NRXN2: variants seen among roughly 807,000 people sequenced by gnomAD.
NRXN2 encodes neurexin-2-beta.
Under a neutral mutation model 128.8 loss-of-function variants are expected in NRXN2, and 29 were observed. That is an observed-to-expected ratio of 0.23 (90% CI 0.17 to 0.31). The LOEUF (loss-of-function observed/expected upper bound fraction) is 0.31. Ranked by LOEUF, NRXN2 falls within the 10% of genes least tolerant of loss-of-function variation. NRXN2 has a pLI of 1.00. For missense variants in NRXN2, 1,881 were observed against 2,452.6 expected, an observed-to-expected ratio of 0.77 and a Z score of 4.92; for synonymous variants, 1,098 against 1,075.2, an observed-to-expected ratio of 1.02 and a Z score of -0.41.
chr11:64,607,555 G>A lies in NRXN2; in HGVS notation c.4780C>T (p.Pro1594Ser). ...APTSFEPRRP[P>S]PLRPGVTSAP... Reference sequence around the variant, plus strand: ...GAGGTCACGCCGGGGCGCAGGGGAGGGGGCCTCCGCGGCTCAAAGGACGTG... The same window carrying A: ...GAGGTCACGCCGGGGCGCAGGGGAGAGGGCCTCCGCGGCTCAAAGGACGTG... Residue 1594 changes from proline (P) to serine (S), a missense_variant, in exon 23 of 23, where the codon CCT (proline) becomes TCT (serine). Coordinates refer to ENST00000265459, the MANE Select transcript of NRXN2 (RefSeq NM_015080.4). The A allele has an allele frequency of 6.5e-7, 1 of 1,544,724 alleles. No homozygotes were observed. Among genetic ancestry groups the A allele is most frequent in the Non-Finnish European group, 8.7e-7 (1 of 1,149,132 alleles).
At chr11:64,673,546 G>A (rs753679543) in intron 7 of NRXN2, among the ~76,000 whole-genome samples, 6 of 152,190 alleles carry the variant, frequency 3.9e-5, no homozygotes, top group Non-Finnish European at 7.3e-5. Context: ...GGTCTATGAG[G>A]CCACCAAAAG....
intron 12 of NRXN2, among the ~76,000 whole-genome samples, chr11:64,653,333 G>C (rs958824109): frequency 1.3e-5 from 2 of 151,994 alleles, no homozygotes; most frequent in African/African-American, 4.8e-5. Context: ...GCTCCTCCCT[G>C]CCAGTCCATA....
chr11:64,687,220 G>A (rs997777035), intron 5 of NRXN2, among the ~76,000 whole-genome samples: 2 of 152,248 alleles, frequency 1.3e-5, no homozygotes, highest in Non-Finnish European at 2.9e-5. Flanking sequence ...CACAATGCCA[G>A]GGTGCATCCA....
At chr11:64,661,595 C>G (rs539179684) in intron 9 of NRXN2, among the ~76,000 whole-genome samples, 2 of 152,166 alleles carry the variant, frequency 1.3e-5, no homozygotes, top group South Asian at 2.1e-4. Context: ...TTTTTCCCCC[C>G]ACAAACATTT....
At chr11:64,704,623 C>CAGAGAGAGAG (rs61394963) in intron 2 of NRXN2, among the ~76,000 whole-genome samples, 1,741 of 81,112 alleles carry the variant, frequency 0.021, 91 homozygotes, top group Middle Eastern at 0.035. Context: ...CACACACACA[C>CAGAGAGAGAG]AGAGAGAGAG....
chr11:64,717,587 C>T (rs766702742), intron 1 of NRXN2, among the ~76,000 whole-genome samples: 20 of 152,200 alleles, frequency 1.3e-4, no homozygotes, highest in Non-Finnish European at 2.4e-4. Context: ...TACCCTCTCC[C>T]GATAACTCTT....
At chr11:64,657,483 C>T (rs1319209530) in intron 11 of NRXN2, among the ~76,000 whole-genome samples, 2 of 151,698 alleles carry the variant, frequency 1.3e-5, no homozygotes, top group Admixed American at 6.6e-5. Context: ...TGGGTCTCTA[C>T]TATGGGTCTT....
In NRXN2 at chr11:64,667,115, G is replaced by C. The variant is rs940163348; in HGVS notation, c.1798+135C>G. On this transcript the variant is annotated intron_variant, in intron 9 of 22. Transcript: ENST00000265459. The surrounding 1 kb of genome is among the most constrained non-coding windows in gnomAD (Gnocchi z 5.6). ...AAAGGACAATTGGGAAGACGTGAGG[G>C]GGGTGGAGGAGAAGCGGCAGGGAAG... 3.4e-6 allele frequency: 3 copies of C among 882,930 alleles called. No individual in the cohort carries two copies. Among genetic ancestry groups the C allele is most frequent in the African/African-American group, 3.3e-5 (2 of 60,494 alleles). 54.7% of individuals were successfully genotyped at this position (882,930 alleles called of 1,614,324 possible).
intron 2 of NRXN2, among the ~76,000 whole-genome samples, chr11:64,709,020 C>T (rs571202156): frequency 3.7e-4 from 56 of 151,966 alleles, no homozygotes; most frequent in African/African-American, 1.3e-3. Flanking sequence ...GGTGAAAACC[C>T]GTCTCTACTA....
chr11:64,696,993 C>G (rs185173665), intron 3 of NRXN2, among the ~76,000 whole-genome samples: 25 of 152,258 alleles, frequency 1.6e-4, no homozygotes, highest in Non-Finnish European at 3.1e-4. Flanking sequence ...GAAGGAGAGA[C>G]ACATGGTCCA....
intron 2 of NRXN2, chr11:64,712,768 C>G: frequency 2.9e-6 from 2 of 678,852 alleles, no homozygotes; most frequent in Non-Finnish European, 5.5e-6. Flanking sequence ...GCCGGCCCCG[C>G]CCACTCGCCC....
chr11:64,679,366 G>A (rs996573569), intron 6 of NRXN2, among the ~76,000 whole-genome samples: 1 of 152,158 alleles, frequency 6.6e-6, no homozygotes, highest in Non-Finnish European at 1.5e-5. Flanking sequence ...GGCCAGGCGT[G>A]GTGGGTCACA....
In NRXN2 at chr11:64,690,646, G is replaced by A. The variant is rs188209266; in HGVS notation, c.779-170C>T. ...CTTCAAGACCTCTAAGGAAGGAGCC[G>A]CTTGACAAACCGAGGGCGATCAGCC... On this transcript the variant is annotated intron_variant, in intron 4 of 22. Transcript: ENST00000265459. 5.9e-5 allele frequency among the ~76,000 whole-genome samples: 9 copies of A among 152,170 alleles called. No homozygotes were observed. The East Asian group carries it at 7.7e-4, about 13-fold the overall frequency.
At chr11:64,693,246 G>A (rs1221033568) in intron 3 of NRXN2, among the ~76,000 whole-genome samples, 1 of 149,630 alleles carries the variant, frequency 6.7e-6, no homozygotes, top group Non-Finnish European at 1.5e-5. Flanking sequence ...TCTTCTTGCC[G>A]GAAAAAAAAA....
intron 12 of NRXN2, among the ~76,000 whole-genome samples, chr11:64,653,489 C>T (rs1475747479): frequency 3.3e-5 from 5 of 152,136 alleles, no homozygotes; most frequent in African/African-American, 1.2e-4. Context: ...CCCCAGCTCT[C>T]CTTGGCTCTG....
intron 7 of NRXN2, among the ~76,000 whole-genome samples, chr11:64,674,065 G>A (rs2050980886): frequency 6.6e-6 from 1 of 151,842 alleles, no homozygotes; most frequent in Admixed American, 6.6e-5. Flanking sequence ...AGCAGGCGGT[G>A]GGGAGGTCTT....
In NRXN2 at chr11:64,618,046, C is replaced by T. The variant is rs1222675294; in HGVS notation, c.4252+2248G>A. 2.6e-5 allele frequency among the ~76,000 whole-genome samples: 4 copies of T among 152,194 alleles called. No individual in the cohort carries two copies. In the East Asian group the frequency reaches 5.8e-4, roughly 22 times the overall value. On this transcript the variant is annotated intron_variant, in intron 22 of 22. Coordinates refer to ENST00000265459, the MANE Select transcript of NRXN2 (RefSeq NM_015080.4). Reference sequence around the variant, plus strand: ...GACCTCCTCCACCCTTCATCCTCTACTTGGCCCTTTTCCCAAGAGGGTGGC... The same window carrying T: ...GACCTCCTCCACCCTTCATCCTCTATTTGGCCCTTTTCCCAAGAGGGTGGC...
rs2042721279 is a variant in NRXN2, at chr11:64,623,885, G to C, written c.3848-807C>G. 1 of 152,282 alleles carries C rather than the reference G, an allele frequency of 6.6e-6. No individual in the cohort carries two copies. The highest frequency in any genetic ancestry group is 6.5e-5 in the Admixed American group (1 of 15,286). The allele number at this position is 152,282 out of a possible 1,614,324, so 9.4% of individuals were successfully genotyped here. A position where few individuals can be genotyped will look rare whatever the true frequency, so the allele number is the denominator to read the frequency against. On this transcript the variant is annotated intron_variant, in intron 20 of 22. Coordinates refer to ENST00000265459, the MANE Select transcript of NRXN2 (RefSeq NM_015080.4). This position sits in a 1 kb window ranked among gnomAD's most constrained non-coding sequence, Gnocchi z 4.9. ...CCAATCTCACCCCACACTCCAGTAT[G>C]ACACCTCAGAATTCCCAGCTGGGTG...
At chr11:64,641,575 G>A (rs1161408901) in intron 17 of NRXN2, among the ~76,000 whole-genome samples, 1 of 152,028 alleles carries the variant, frequency 6.6e-6, no homozygotes. Flanking sequence ...AGGTACAGGG[G>A]TGAGAAGAGA....
Sources: gnomAD v4.1 joint callset for allele counts (sites outside exome capture counted in the v4.1 genomes callset) on GRCh38, gnomAD v4.1.1 for gene constraint, Gnocchi (gnomAD v3.1) non-coding constraint, MANE v1.5 for transcripts, NCBI Gene and HGNC (gene_info 2026-07-23, HGNC 2026-07-21) for gene names.